Variants in KIAA1217 observed in about 807,000 individuals in gnomAD.
KIAA1217 encodes sickle tail protein homolog.
KIAA1217 carries 88 observed loss-of-function variants against 163.9 expected under a neutral mutation model. The observed-to-expected ratio is 0.54, with a 90% confidence interval of 0.45 to 0.64. KIAA1217 has a LOEUF of 0.64. KIAA1217 is among the 30% of genes least tolerant of loss of function. KIAA1217 has a pLI of 0.00. For synonymous variants in KIAA1217, 903 were observed against 923.1 expected, an observed-to-expected ratio of 0.98 and a Z score of 0.39; for missense variants, 2,372 against 2,475.0, an observed-to-expected ratio of 0.96 and a Z score of 0.88.
intron 1 of KIAA1217, among the ~76,000 whole-genome samples, chr10:23,951,130 C>T (rs149774499): frequency 6.6e-6 from 1 of 152,024 alleles, no homozygotes; most frequent in East Asian, 1.9e-4. Flanking sequence ...CTGGTGTGAT[C>T]CTGTGGACCT....
intron 2 of KIAA1217, among the ~76,000 whole-genome samples, chr10:24,036,008 A>T (rs1397600014): frequency 6.6e-6 from 1 of 152,208 alleles, no homozygotes; most frequent in East Asian, 1.9e-4. Context: ...GCGCATTACC[A>T]GGTAGAGCTG....
chr10:24,104,135 CA>C (rs1161471434), intron 2 of KIAA1217, among the ~76,000 whole-genome samples: 3 of 152,154 alleles, frequency 2.0e-5, no homozygotes, highest in Admixed American at 6.6e-5. Context: ...AGACTTTTAC[CA>C]TGTGATCCAA....
chr10:24,516,802 G>A (rs1353700693), intron 10 of KIAA1217, among the ~76,000 whole-genome samples: 5 of 152,242 alleles, frequency 3.3e-5, no homozygotes. Context: ...AATGCAAAAC[G>A]TCCTATGGTA....
At chr10:24,302,665 C>T (rs1403968934) in intron 2 of KIAA1217, among the ~76,000 whole-genome samples, 4 of 151,998 alleles carry the variant, frequency 2.6e-5, no homozygotes, top group African/African-American at 7.3e-5. Context: ...CAATAGATGG[C>T]ATGCAGTATA....
intron 3 of KIAA1217, among the ~76,000 whole-genome samples, chr10:24,424,488 G>A (rs1308550772): frequency 6.6e-6 from 1 of 152,250 alleles, no homozygotes; most frequent in Admixed American, 6.5e-5. Context: ...CACAGGCCTG[G>A]CACAAGATGG....
intron 1 of KIAA1217, among the ~76,000 whole-genome samples, chr10:23,974,107 G>A (rs1443608857): frequency 6.6e-6 from 1 of 152,206 alleles, no homozygotes; most frequent in Non-Finnish European, 1.5e-5. Context: ...TAGAGGACTA[G>A]TTCTTAGCTG....
chr10:24,281,941 C>A (rs1268566349), intron 2 of KIAA1217, among the ~76,000 whole-genome samples: 1 of 152,014 alleles, frequency 6.6e-6, no homozygotes, highest in Non-Finnish European at 1.5e-5. Context: ...CCTGTAGTCC[C>A]AGCTACTCAG....
chr10:24,121,185 G>C (rs1374419904), intron 2 of KIAA1217, among the ~76,000 whole-genome samples: 1 of 152,194 alleles, frequency 6.6e-6, no homozygotes, highest in East Asian at 1.9e-4. Context: ...TTCATGGATA[G>C]TATTTCTAGG....
intron 9 of KIAA1217, 97 bp from the exon 10 acceptor site, chr10:24,513,162 G>T: frequency 2.8e-6 from 3 of 1,076,762 alleles, no homozygotes; most frequent in Non-Finnish European, 4.1e-6. Flanking sequence ...CAGCCGCAGG[G>T]CTGTCTACCC....
intron 1 of KIAA1217, among the ~76,000 whole-genome samples, chr10:23,789,746 G>T (rs1172443502): frequency 6.6e-6 from 1 of 151,666 alleles, no homozygotes; most frequent in Non-Finnish European, 1.5e-5. Context: ...GGCCAACTTT[G>T]GTTATAAGTA....
intron 2 of KIAA1217, among the ~76,000 whole-genome samples, chr10:24,305,155 A>G (rs2041866004): frequency 6.6e-6 from 1 of 152,210 alleles, no homozygotes; most frequent in Admixed American, 6.5e-5. Flanking sequence ...ACGAAAGCAG[A>G]AACATTGGTG....
intron 12 of KIAA1217, 122 bp from the exon 13 acceptor site, chr10:24,524,201 G>A (rs2071744231): frequency 2.1e-6 from 2 of 952,914 alleles, no homozygotes; most frequent in Non-Finnish European, 3.2e-6. Flanking sequence ...ATGTCCCTAA[G>A]CGGCTACTCT....
intron 1 of KIAA1217, among the ~76,000 whole-genome samples, chr10:23,975,228 CT>C (rs1845489860): frequency 6.6e-6 from 1 of 152,162 alleles, no homozygotes; most frequent in African/African-American, 2.4e-5. Context: ...GCCCCTCAAA[CT>C]TTGTTTGCTA....
chr10:23,999,583 G>A (rs1168149385), intron 1 of KIAA1217, among the ~76,000 whole-genome samples: 2 of 152,202 alleles, frequency 1.3e-5, no homozygotes, highest in Non-Finnish European at 2.9e-5. Flanking sequence ...GGAGGGAAAC[G>A]TCTGAGAAGG....
chr10:23,827,084 G>A (rs1165107970), intron 1 of KIAA1217, among the ~76,000 whole-genome samples: 1 of 152,178 alleles, frequency 6.6e-6, no homozygotes, highest in African/African-American at 2.4e-5. Context: ...GCAGAATTAA[G>A]TAACTTTATA....
intron 5 of KIAA1217, among the ~76,000 whole-genome samples, chr10:24,466,082 G>A (rs979719103): frequency 3.3e-5 from 5 of 152,126 alleles, no homozygotes; most frequent in African/African-American, 1.2e-4. Flanking sequence ...TTTTCCCTCT[G>A]GTGTTAAACC....
At chr10:24,147,594 A>G (rs1164427842) in intron 2 of KIAA1217, among the ~76,000 whole-genome samples, 4 of 152,030 alleles carry the variant, frequency 2.6e-5, no homozygotes, top group Non-Finnish European at 5.9e-5. Flanking sequence ...TGTAATCCCA[A>G]CACTTTGGGA....
intron 2 of KIAA1217, among the ~76,000 whole-genome samples, chr10:24,112,039 G>A (rs1039796664): frequency 2.6e-5 from 4 of 152,064 alleles, no homozygotes; most frequent in East Asian, 1.9e-4. Flanking sequence ...GGGCTCACAC[G>A]ATCCTCCTGC....
intron 1 of KIAA1217, among the ~76,000 whole-genome samples, chr10:23,745,444 G>T (rs1226954592): frequency 2.6e-5 from 4 of 152,184 alleles, no homozygotes; most frequent in African/African-American, 7.2e-5. Flanking sequence ...GGCATAAATT[G>T]GGCATCTTTG....
Sources: gnomAD v4.1 joint callset for allele counts (sites outside exome capture counted in the v4.1 genomes callset) on GRCh38, gnomAD v4.1.1 for gene constraint, MANE v1.5 for transcripts, NCBI Gene and HGNC (gene_info 2026-07-23, HGNC 2026-07-21) for gene names.